APLF: variants seen among roughly 807,000 people sequenced by gnomAD.
APLF encodes aprataxin and PNKP like factor.
Under a neutral mutation model 55.6 loss-of-function variants are expected in APLF, and 61 were observed. The observed-to-expected ratio is 1.10, with a 90% confidence interval of 0.89 to 1.36. APLF has a LOEUF of 1.36. APLF is among the 40% of genes most tolerant of loss of function. The pLI is 0.00. For synonymous variants in APLF, 207 were observed against 214.8 expected, an observed-to-expected ratio of 0.96 and a Z score of 0.32; for missense variants, 611 against 602.5, an observed-to-expected ratio of 1.01 and a Z score of -0.15.
chr2:68,574,535 T>C (rs1189207263), intron 9 of APLF, among the ~76,000 whole-genome samples: 2 of 152,180 alleles, frequency 1.3e-5, no homozygotes, highest in Non-Finnish European at 2.9e-5. Flanking sequence ...TACCTGTTCA[T>C]GTGAGTTAAG....
At chr2:68,571,419 T>C (rs1397708117) in intron 9 of APLF, among the ~76,000 whole-genome samples, 1 of 152,200 alleles carries the variant, frequency 6.6e-6, no homozygotes, top group East Asian at 1.9e-4. Context: ...AGGGTTTTTA[T>C]GGTTTTAGGT....
chr2:68,496,197 G>T (rs945379549), intron 2 of APLF, among the ~76,000 whole-genome samples: 2 of 152,224 alleles, frequency 1.3e-5, no homozygotes, highest in Non-Finnish European at 2.9e-5. Flanking sequence ...CACCTCCTGG[G>T]TTCAAGCAGT....
intron 8 of APLF, among the ~76,000 whole-genome samples, chr2:68,550,297 T>C (rs1670821526): frequency 6.6e-6 from 1 of 152,156 alleles, no homozygotes; most frequent in African/African-American, 2.4e-5. Flanking sequence ...AGTGGCGCAA[T>C]CTCGGCTCTC....
At chr2:68,551,939 TTAGA>T (rs1573253934) in intron 8 of APLF, among the ~76,000 whole-genome samples, 1 of 152,146 alleles carries the variant, frequency 6.6e-6, no homozygotes, top group East Asian at 1.9e-4. Context: ...AGTCAGAAAT[TTAGA>T]TAGATAGTAG....
chr2:68,561,614 G>A (rs1012174464), intron 8 of APLF, among the ~76,000 whole-genome samples: 1 of 152,118 alleles, frequency 6.6e-6, no homozygotes, highest in Non-Finnish European at 1.5e-5. Context: ...TCCTGAGGAA[G>A]TAATGTGCGT....
chr2:68,579,350 G>C lies in APLF; in HGVS notation c.*1328G>C. The C allele has an allele frequency of 1.0e-6, 1 of 972,262 alleles. No individual in the cohort carries two copies. The highest frequency in any genetic ancestry group is 1.2e-6 in the Non-Finnish European group (1 of 818,140). The allele number at this position is 972,262 out of a possible 1,614,324, so 60.2% of individuals were successfully genotyped here. On this transcript the variant is annotated 3_prime_UTR_variant, in exon 10 of 10. Coordinates refer to ENST00000303795, the MANE Select transcript of APLF (RefSeq NM_173545.3). ...CCCCTTATAATGTCCCTTTAGCCTTGGTAGTATAACAAATCTACGAATGTA... is the reference window on the plus strand; with the variant it reads ...CCCCTTATAATGTCCCTTTAGCCTTCGTAGTATAACAAATCTACGAATGTA...
intron 1 of APLF, among the ~76,000 whole-genome samples, chr2:68,476,151 G>GT (rs949243633): frequency 6.8e-4 from 103 of 151,888 alleles, no homozygotes; most frequent in African/African-American, 2.4e-3. Flanking sequence ...GTAAAGTAAT[G>GT]TTTTTTGTGT....
At chr2:68,500,282 A>T (rs1039215216) in intron 2 of APLF, among the ~76,000 whole-genome samples, 1 of 152,176 alleles carries the variant, frequency 6.6e-6, no homozygotes, top group Non-Finnish European at 1.5e-5. Context: ...AATCTCCTGT[A>T]TTAACAGTTT....
Position 68,579,717 on chromosome 2 carries a change from A to G in APLF, c.*1695A>G, listed in dbSNP as rs1351085351. 2 of 155,232 alleles carry G rather than the reference A, an allele frequency of 1.3e-5. No individual in the cohort carries two copies. Among genetic ancestry groups the G allele is most frequent in the Non-Finnish European group, 2.8e-5 (2 of 70,794 alleles). 9.6% of individuals were successfully genotyped at this position (155,232 alleles called of 1,614,324 possible). On this transcript the variant is annotated 3_prime_UTR_variant, in exon 10 of 10. Transcript: ENST00000303795. ...GGCCACATACTGTATGAACTCATTT[A>G]TATGAAATTTCCAAAACAGGCAAAT...
At chr2:68,516,569 T>A (rs1383850682) in intron 5 of APLF, among the ~76,000 whole-genome samples, 1 of 151,184 alleles carries the variant, frequency 6.6e-6, no homozygotes, top group Non-Finnish European at 1.5e-5. Flanking sequence ...ACCCAGTTTG[T>A]AATCTTTTAT....
intron 8 of APLF, among the ~76,000 whole-genome samples, chr2:68,564,821 AG>A (rs1285803219): frequency 6.6e-6 from 1 of 152,054 alleles, no homozygotes; most frequent in East Asian, 1.9e-4. Flanking sequence ...CATAAGAAAG[AG>A]GGTGTTTGGC....
At chr2:68,517,415 A>T (rs548549033) in intron 5 of APLF, among the ~76,000 whole-genome samples, 1 of 132,908 alleles carries the variant, frequency 7.5e-6, no homozygotes, top group East Asian at 2.2e-4. Flanking sequence ...ATATCTATAT[A>T]TTACTATATA....
At chr2:68,540,538 A>G (rs6755169) in intron 7 of APLF, among the ~76,000 whole-genome samples, 14,395 of 152,092 alleles carry the variant, frequency 0.095, 819 homozygotes, top group African/African-American at 0.15. Context: ...TAATGGGATT[A>G]CTGGGTCAAA....
chr2:68,566,446 T>C (rs1671312204), intron 8 of APLF, among the ~76,000 whole-genome samples: 1 of 152,086 alleles, frequency 6.6e-6, no homozygotes, highest in Non-Finnish European at 1.5e-5. Context: ...TTTATCCTCA[T>C]TGCCTGCTTA....
At chr2:68,528,804 G>C in intron 6 of APLF, 3 of 1,482,904 alleles carry the variant, frequency 2.0e-6, no homozygotes, top group Non-Finnish European at 2.7e-6. Flanking sequence ...TTGTCAGTCT[G>C]GTTGTTTTCT....
At position 68,526,055 on chromosome 2, in the gene APLF, T is replaced by C. The variant is rs752893415; in HGVS notation, c.623-6T>C. On this transcript the variant is annotated splice_region_variant and splice_polypyrimidine_tract_variant and intron_variant, in intron 5 of 9. Transcript: ENST00000303795. ...TAATTTTCTTCTTTTTCTTTATGTGTTTAAGGTAATGTAATCCAGGGAAGT... is the reference window on the plus strand; with the variant it reads ...TAATTTTCTTCTTTTTCTTTATGTGCTTAAGGTAATGTAATCCAGGGAAGT... 1 of 1,608,514 alleles carries C rather than the reference T, an allele frequency of 6.2e-7. No homozygotes were observed. The highest frequency in any genetic ancestry group is 8.5e-7 in the Non-Finnish European group (1 of 1,177,686).
rs551812835 is a variant in APLF at position 68,579,218 on chromosome 2, A to G, written c.*1196A>G. 5 of 760,120 alleles carry G rather than the reference A, an allele frequency of 6.6e-6. No individual in the cohort carries two copies. The South Asian group carries it at 3.0e-4, about 46-fold the overall frequency. 47.1% of individuals were successfully genotyped at this position (760,120 alleles called of 1,614,324 possible). A position where few individuals can be genotyped will look rare whatever the true frequency, so the allele number is the denominator to read the frequency against. On this transcript the variant is annotated 3_prime_UTR_variant, in exon 10 of 10. Coordinates refer to ENST00000303795, the MANE Select transcript of APLF (RefSeq NM_173545.3). The stretch of plus-strand genomic sequence containing the variant: ...AAATATATCTCCCAGTAATTATACA[A>G]TATTTAATATTTACTTAAACTGGAA...
chr2:68,579,474 C>A lies in APLF; in HGVS notation c.*1452C>A. On this transcript the variant is annotated 3_prime_UTR_variant, in exon 10 of 10. Transcript: ENST00000303795. ...CCCAGAGGAATTGAAAACATTTCCA[C>A]ATAAAAACTGTACACAATGTCAATA... The A allele has an allele frequency of 1.2e-6, 1 of 836,718 alleles. No homozygotes were observed. The highest frequency in any genetic ancestry group is 1.4e-6 in the Non-Finnish European group (1 of 694,512). The allele number at this position is 836,718 out of a possible 1,614,324, so 51.8% of individuals were successfully genotyped here. A position where few individuals can be genotyped will look rare whatever the true frequency, so the allele number is the denominator to read the frequency against.
rs762165483 is a variant in APLF, at chr2:68,538,066, C to T, written c.999C>T (p.Gly333=). The part of the protein sequence containing the change: ...SCSENCSSAQ[G]DSLQDESQGS... Reference sequence around the variant, plus strand: ...CTGAAAATTGTTCGAGTGCCCAGGGCGACTCACTTCAGGATGAGTCTCAAG... The same window carrying T: ...CTGAAAATTGTTCGAGTGCCCAGGGTGACTCACTTCAGGATGAGTCTCAAG... Residue 333 remains glycine, a synonymous_variant, in exon 7 of 10, where the codon GGC becomes GGT. Transcript: ENST00000303795. 2.5e-6 allele frequency: 4 copies of T among 1,613,964 alleles called. No individual in the cohort carries two copies. Among genetic ancestry groups the T allele is most frequent in the East Asian group, 2.2e-5 (1 of 44,896 alleles).
Sources: gnomAD v4.1 joint callset for allele counts (sites outside exome capture counted in the v4.1 genomes callset) on GRCh38, gnomAD v4.1.1 for gene constraint, MANE v1.5 for transcripts, NCBI Gene and HGNC (gene_info 2026-07-23, HGNC 2026-07-21) for gene names.